Variants in NELL1 observed in about 807,000 individuals in gnomAD.
NELL1 encodes the protein neural EGFL like 1, also known as protein kinase C-binding protein NELL1.
In NELL1, 76 loss-of-function variants were observed where a neutral mutation model predicts 107.4. The ratio of observed to expected loss-of-function variants is 0.71; its 90% confidence interval spans 0.59 to 0.86. The LOEUF (loss-of-function observed/expected upper bound fraction) is 0.86, where lower values mean the gene tolerates loss of function less well. NELL1 is among the 40% of genes least tolerant of loss of function. The pLI is 0.00. For synonymous variants in NELL1, 353 were observed against 341.2 expected, an observed-to-expected ratio of 1.03 and a Z score of -0.38; for missense variants, 1,024 against 1,005.5, an observed-to-expected ratio of 1.02 and a Z score of -0.25.
At chr11:20,951,899 G>A (rs1322890438) in intron 11 of NELL1, among the ~76,000 whole-genome samples, 1 of 152,074 alleles carries the variant, frequency 6.6e-6, no homozygotes, top group Admixed American at 6.6e-5. Flanking sequence ...TGTAGCAGGA[G>A]CCTGACCACT....
chr11:21,534,296 A>C, intron 15 of NELL1, 78 bp from the exon 16 acceptor site: 1 of 1,524,290 alleles, frequency 6.6e-7, no homozygotes, highest in South Asian at 1.1e-5. Context: ...TGACATGAGC[A>C]TGTTTTAGGC....
At chr11:21,030,586 T>C (rs566131448) in intron 12 of NELL1, among the ~76,000 whole-genome samples, 1 of 151,964 alleles carries the variant, frequency 6.6e-6, no homozygotes, top group East Asian at 1.9e-4. Flanking sequence ...TGTTTTATTT[T>C]CATCTTTGAT....
intron 12 of NELL1, among the ~76,000 whole-genome samples, chr11:21,018,025 T>G (rs1316272682): frequency 6.6e-6 from 1 of 152,120 alleles, no homozygotes; most frequent in African/African-American, 2.4e-5. Flanking sequence ...GAGAACTTTC[T>G]ATCTTTCATC....
intron 15 of NELL1, among the ~76,000 whole-genome samples, chr11:21,403,645 G>T (rs2133800372): frequency 6.6e-6 from 1 of 151,594 alleles, no homozygotes; most frequent in Non-Finnish European, 1.5e-5. Context: ...GGCTCTCACT[G>T]CACTAATTGG....
At chr11:20,872,032 A>AAG (rs1849210020) in intron 4 of NELL1, among the ~76,000 whole-genome samples, 1 of 150,274 alleles carries the variant, frequency 6.7e-6, no homozygotes, top group Admixed American at 6.6e-5. Context: ...AAAAAAAAAA[A>AAG]AAAAAAAAAA....
Position 20,994,929 on chromosome 11 carries a change from A to G in NELL1, c.1300+34369A>G, listed in dbSNP as rs550002230. Among the ~76,000 whole-genome samples the G allele has an allele frequency of 5.3e-5, 8 of 152,328 alleles. No homozygotes were observed. The South Asian group carries it at 1.7e-3, about 32-fold the overall frequency. ...CCTTGAGACAATCAGGTCTTGTTTT[A>G]ACAGCCCATGTTAGACATGGATTTT... is the stretch of plus-strand genomic sequence containing the variant. On this transcript the variant is annotated intron_variant, in intron 12 of 19. Coordinates refer to ENST00000357134, the MANE Select transcript of NELL1 (RefSeq NM_006157.5).
rs1309447809 is a variant in NELL1, at chr11:21,560,046, A to AGAT, written c.1787-142_1787-140dup. On this transcript the variant is annotated intron_variant, in intron 16 of 19. Coordinates refer to ENST00000357134, the MANE Select transcript of NELL1 (RefSeq NM_006157.5). The stretch of plus-strand genomic sequence containing the variant: ...GCAGAACTGACTTGCAGTGTAAATG[A>AGAT]GATAATACATGTGAACAGCTTGGCA... 5.4e-6 allele frequency: 4 copies of AGAT among 746,452 alleles called. No homozygotes were observed. The African/African-American group carries it at 6.9e-5, about 13-fold the overall frequency. 46.2% of individuals were successfully genotyped at this position (746,452 alleles called of 1,614,324 possible). A position where few individuals can be genotyped will look rare whatever the true frequency, so the allele number is the denominator to read the frequency against.
At chr11:21,117,373 A>G (rs888839102) in intron 13 of NELL1, among the ~76,000 whole-genome samples, 6 of 152,068 alleles carry the variant, frequency 3.9e-5, no homozygotes, top group East Asian at 1.9e-4. Flanking sequence ...TTTGTTCTCT[A>G]CTATACCTTG....
At chr11:21,100,589 C>T (rs1248587308) in intron 12 of NELL1, among the ~76,000 whole-genome samples, 1 of 152,136 alleles carries the variant, frequency 6.6e-6, no homozygotes, top group East Asian at 1.9e-4. Flanking sequence ...TCCAACAATT[C>T]CATTTGTAGA....
At chr11:21,204,211 A>G (rs1565109502) in intron 13 of NELL1, among the ~76,000 whole-genome samples, 1 of 152,138 alleles carries the variant, frequency 6.6e-6, no homozygotes, top group African/African-American at 2.4e-5. Context: ...GTGTTTTCCA[A>G]CTTGGTTCCA....
chr11:20,902,741 T>C (rs1849905306), intron 5 of NELL1, among the ~76,000 whole-genome samples: 1 of 152,058 alleles, frequency 6.6e-6, no homozygotes, highest in Non-Finnish European at 1.5e-5. Flanking sequence ...AATAGGAGAA[T>C]GTTTAAATAC....
chr11:20,951,265 C>T (rs955068345), intron 11 of NELL1, among the ~76,000 whole-genome samples: 2 of 152,122 alleles, frequency 1.3e-5, no homozygotes, highest in Non-Finnish European at 2.9e-5. Flanking sequence ...TAACTTATTT[C>T]CTCAAGTTAT....
At chr11:20,730,885 C>T (rs967414349) in intron 2 of NELL1, among the ~76,000 whole-genome samples, 2 of 152,106 alleles carry the variant, frequency 1.3e-5, no homozygotes, top group Admixed American at 6.6e-5. Flanking sequence ...TTCAAAGTGG[C>T]TACTGAGGGA....
chr11:21,247,136 G>T (rs2133905292), intron 14 of NELL1, among the ~76,000 whole-genome samples: 1 of 152,250 alleles, frequency 6.6e-6, no homozygotes, highest in Non-Finnish European at 1.5e-5. Flanking sequence ...AGTTGCCCTG[G>T]GTGAGTCAGT....
intron 15 of NELL1, among the ~76,000 whole-genome samples, chr11:21,522,233 CA>C (rs34810194): frequency 0.14 from 17,566 of 128,432 alleles, 1,179 homozygotes; most frequent in African/African-American, 0.25. Flanking sequence ...GACTCCGTCT[CA>C]AAAAAAAAAA....
At chr11:21,334,943 A>G (rs1850356915) in intron 14 of NELL1, among the ~76,000 whole-genome samples, 1 of 151,880 alleles carries the variant, frequency 6.6e-6, no homozygotes, top group Admixed American at 6.6e-5. Flanking sequence ...ATTAGCAAAC[A>G]TGTTGTTTTG....
intron 12 of NELL1, among the ~76,000 whole-genome samples, chr11:21,049,127 C>A (rs1259702361): frequency 6.6e-6 from 1 of 152,148 alleles, no homozygotes; most frequent in Non-Finnish European, 1.5e-5. Context: ...TCACATCAAC[C>A]TGGCAGACGC....
chr11:21,280,883 C>T (rs983498392), intron 14 of NELL1, among the ~76,000 whole-genome samples: 3 of 152,070 alleles, frequency 2.0e-5, no homozygotes, highest in African/African-American at 4.8e-5. Context: ...GTCTAGGCCA[C>T]AGGGATTACA....
At chr11:20,685,397 TG>T (rs1308668350) in intron 2 of NELL1, among the ~76,000 whole-genome samples, 1 of 152,130 alleles carries the variant, frequency 6.6e-6, no homozygotes, top group African/African-American at 2.4e-5. Flanking sequence ...AGTTGCTTTT[TG>T]TGGCTAGGGG....
Sources: gnomAD v4.1 joint callset for allele counts (sites outside exome capture counted in the v4.1 genomes callset) on GRCh38, gnomAD v4.1.1 for gene constraint, MANE v1.5 for transcripts, NCBI Gene and HGNC (gene_info 2026-07-23, HGNC 2026-07-21) for gene names.